PRKDC: variants seen among roughly 807,000 people sequenced by gnomAD.
PRKDC encodes protein kinase, DNA-activated, catalytic subunit, also known as DNA-dependent protein kinase catalytic subunit.
PRKDC carries 82 observed loss-of-function variants against 486.9 expected under a neutral mutation model. The observed-to-expected ratio is 0.17, with a 90% CI of 0.14 to 0.20. The LOEUF (loss-of-function observed/expected upper bound fraction) is 0.20. Among genes scored for constraint, PRKDC ranks in the 10% least tolerant of loss-of-function variants. The pLI, the probability that PRKDC is intolerant of heterozygous loss-of-function variation, is 1.00. For synonymous variants in PRKDC, 1,895 were observed against 1,837.0 expected, an observed-to-expected ratio of 1.03 and a Z score of -0.81; for missense variants, 4,504 against 5,038.2, an observed-to-expected ratio of 0.89 and a Z score of 3.21.
intron 68 of PRKDC, among the ~76,000 whole-genome samples, chr8:47,813,174 A>G (rs1006822802): frequency 6.6e-6 from 1 of 151,776 alleles, no homozygotes; most frequent in African/African-American, 2.4e-5. Flanking sequence ...CTGGAATGCA[A>G]TGGCACGATC....
chr8:47,841,189 G>A (rs897058617), intron 54 of PRKDC, among the ~76,000 whole-genome samples: 1 of 152,170 alleles, frequency 6.6e-6, no homozygotes, highest in Non-Finnish European at 1.5e-5. Flanking sequence ...AATTGGTAGG[G>A]AACTGTCAGA....
rs556057322 is a variant in PRKDC at position 47,891,676 on chromosome 8, C to T, written c.3848-1196G>A. 8.2e-4 allele frequency among the ~76,000 whole-genome samples: 125 copies of T among 151,902 alleles called. 1 individual carries two copies. The highest frequency in any genetic ancestry group is 2.5e-4 in the Non-Finnish European group (17 of 67,946). ...ATGAGCTTGCAGTGAGCCAAGATCG[C>T]GCCACTGCACTCCAGCCTGGGCGAC... On this transcript the variant is annotated intron_variant, in intron 31 of 85. Transcript: ENST00000314191.
Position 47,943,862 on chromosome 8 carries a change from C to G in PRKDC, c.799G>C (p.Val267Leu). The G allele has an allele frequency of 6.3e-7, 1 of 1,591,046 alleles. No homozygotes were observed. Among genetic ancestry groups the G allele is most frequent in the South Asian group, 1.1e-5 (1 of 87,860 alleles). ...ATAAACAGAATCCTACCTGAGGGCACAGCATATCTCTTCAGATCAATCTAT... is the reference window on the plus strand; with the variant it reads ...ATAAACAGAATCCTACCTGAGGGCAGAGCATATCTCTTCAGATCAATCTAT... ...RPQIDLKRYA[V>L]PSAGLRLFAL... Residue 267 changes from valine (V) to leucine (L), a missense_variant, in exon 9 of 86, where the codon GTG (valine) becomes CTG (leucine). Val to Leu is a conservative substitution (Grantham distance 32). Coordinates refer to ENST00000314191, the MANE Select transcript of PRKDC (RefSeq NM_006904.7).
At chr8:47,868,295 C>T (rs538135854) in intron 40 of PRKDC, among the ~76,000 whole-genome samples, 26 of 151,876 alleles carry the variant, frequency 1.7e-4, no homozygotes, top group African/African-American at 6.0e-4. Flanking sequence ...TGGCGGCTCA[C>T]ACTTGTAATC....
At chr8:47,880,816 G>C (rs1047720845) in intron 38 of PRKDC, among the ~76,000 whole-genome samples, 1 of 152,090 alleles carries the variant, frequency 6.6e-6, no homozygotes, top group Admixed American at 6.5e-5. Context: ...CACTTTGGGA[G>C]GCCGAGGCAG....
At position 47,858,817 on chromosome 8, in the gene PRKDC, G is replaced by A. The variant is rs187081369; in HGVS notation, c.6345+32C>T. 69 of 1,604,600 alleles carry A rather than the reference G, an allele frequency of 4.3e-5. No homozygotes were observed. The African/African-American group carries it at 6.2e-4, about 14-fold the overall frequency. ...TCTCAGTATGACACCAATGAATATA[G>A]TATTAACAGGTAAGATGAGTGGGAA... On this transcript the variant is annotated intron_variant, in intron 47 of 85. Transcript: ENST00000314191.
At position 47,881,653 on chromosome 8, in the gene PRKDC, T is replaced by A. The variant is rs1589762724; in HGVS notation, c.4963-133A>T. Reference sequence around the variant, plus strand: ...TTGGGCTTCAATAATATTTTCACAATCTTATTGTAAAACATTGTAATACTA... The same window carrying A: ...TTGGGCTTCAATAATATTTTCACAAACTTATTGTAAAACATTGTAATACTA... On this transcript the variant is annotated intron_variant, in intron 37 of 85. Coordinates refer to ENST00000314191, the MANE Select transcript of PRKDC (RefSeq NM_006904.7). The A allele has an allele frequency of 4.7e-6, 3 of 636,802 alleles. No individual in the cohort carries two copies. The African/African-American group carries it at 5.6e-5, about 12-fold the overall frequency. The allele number at this position is 636,802 out of a possible 1,614,324, so 39.4% of individuals were successfully genotyped here.
At position 47,959,975 on chromosome 8, in the gene PRKDC, A is replaced by T. The variant is rs1468283360; in HGVS notation, c.152T>A (p.Leu51Gln). ...ECVLSSSPAV[L>Q]ALQTSLVFSR... ...GCCCAGCTCGGGCCGGTACCCACCC[A>T]GCACCGCGGGGCTGCTGCTCAGGAC... The change falls in exon 1 of 86, where the codon CTG becomes CAG. Residue 51 changes from leucine (L) to glutamine (Q), a missense_variant and splice_region_variant. Transcript: ENST00000314191. 4.6e-6 allele frequency: 7 copies of T among 1,518,784 alleles called. No homozygotes were observed. Among genetic ancestry groups the T allele is most frequent in the Non-Finnish European group, 5.3e-6 (6 of 1,137,518 alleles). 94.1% of individuals were successfully genotyped at this position (1,518,784 alleles called of 1,614,324 possible).
chr8:47,848,384 A>C (rs1204026956), intron 54 of PRKDC, among the ~76,000 whole-genome samples: 2 of 152,236 alleles, frequency 1.3e-5, no homozygotes, highest in African/African-American at 4.8e-5. Flanking sequence ...GTACAGAAAC[A>C]GAAAAGCAAA....
At chr8:47,936,078 C>CA (rs1253638660) in intron 12 of PRKDC, among the ~76,000 whole-genome samples, 178 bp from the exon 13 acceptor site, 2 of 151,996 alleles carry the variant, frequency 1.3e-5, no homozygotes. Flanking sequence ...AAAAAACACA[C>CA]ACTCAGAGTA....
At position 47,953,033 on chromosome 8, in the gene PRKDC, C is replaced by T. The variant is rs182162389; in HGVS notation, c.721+587G>A. Reference sequence around the variant, plus strand: ...GCGAGTGCCTGTAATCCCAGGTACTCGGGAGGCTGAGGCAGGAGAATCACT... The same window carrying T: ...GCGAGTGCCTGTAATCCCAGGTACTTGGGAGGCTGAGGCAGGAGAATCACT... On this transcript the variant is annotated intron_variant, in intron 7 of 85. Transcript: ENST00000314191. 1.2e-3 allele frequency among the ~76,000 whole-genome samples: 180 copies of T among 152,052 alleles called. 1 individual carries two copies. Among genetic ancestry groups the T allele is most frequent in the African/African-American group, 4.1e-3 (170 of 41,448 alleles).
chr8:47,935,277 G>A (rs1452077843), intron 13 of PRKDC, among the ~76,000 whole-genome samples: 1 of 152,100 alleles, frequency 6.6e-6, no homozygotes, highest in Non-Finnish European at 1.5e-5. Flanking sequence ...TGAGGCAGGT[G>A]GATCAAAAGG....
In PRKDC at chr8:47,862,100, C is replaced by A; in HGVS notation, c.5947G>T (p.Asp1983Tyr). 4.5e-6 allele frequency: 7 copies of A among 1,550,598 alleles called. No homozygotes were observed. The highest frequency in any genetic ancestry group is 1.2e-5 in the South Asian group (1 of 83,174). ...GGAAAATTATAGCGGCGCTTCAGGTCGATCAGATTTTCAAAAATAAGCAAG... is the reference window on the plus strand; with the variant it reads ...GGAAAATTATAGCGGCGCTTCAGGTAGATCAGATTTTCAAAAATAAGCAAG... ...KNLLIFENLI[D>Y]LKRRYNFPVE... Residue 1983 changes from aspartate (D) to tyrosine (Y), a missense_variant, in exon 44 of 86, where the codon GAC (aspartate) becomes TAC (tyrosine). Around this residue, in one of 6 missense-constraint regions of PRKDC, gnomAD observed 1,592 missense variants for 1,724.6 expected, o/e 0.92. Transcript: ENST00000314191.
At chr8:47,817,687 C>T (rs2087479235) in intron 67 of PRKDC, 126 bp from the exon 68 acceptor site, 1 of 586,198 alleles carries the variant, frequency 1.7e-6, no homozygotes, top group African/African-American at 1.9e-5. Context: ...CTTTCTTTTA[C>T]AAAAGGAACA....
chr8:47,826,955 C>T (rs1244855186), intron 62 of PRKDC, 94 bp from the exon 63 acceptor site: 96 of 1,228,832 alleles, frequency 7.8e-5, no homozygotes, highest in Non-Finnish European at 1.1e-4. Context: ...ATAAAAGGTA[C>T]CCATGTGGGT....
chr8:47,776,212 G>T (rs1019928972), intron 85 of PRKDC, among the ~76,000 whole-genome samples: 1 of 152,196 alleles, frequency 6.6e-6, no homozygotes, highest in African/African-American at 2.4e-5. Context: ...TGTGAAACAA[G>T]GACCTAACTT....
Position 47,835,620 on chromosome 8 carries a change from C to CAAAAAA in PRKDC, c.7951+712_7951+717dup, listed in dbSNP as rs71548446. Among the ~76,000 whole-genome samples the CAAAAAA allele has an allele frequency of 3.5e-3, 72 of 20,480 alleles. 3 individuals carry two copies. Among genetic ancestry groups the CAAAAAA allele is most frequent in the African/African-American group, 9.9e-3 (59 of 5,932 alleles). 13.4% of individuals were successfully genotyped at this position (20,480 alleles called of 152,430 possible). ...CTGGTGACAGAGCAGGACTCTGTCT[C>CAAAAAA]AAAAAAAAAAAAAAAAAAAAAAAAA... On this transcript the variant is annotated intron_variant, in intron 58 of 85. Coordinates refer to ENST00000314191, the MANE Select transcript of PRKDC (RefSeq NM_006904.7).
intron 64 of PRKDC, among the ~76,000 whole-genome samples, chr8:47,822,724 A>G (rs1359232179): frequency 1.3e-5 from 2 of 152,174 alleles, no homozygotes; most frequent in Non-Finnish European, 2.9e-5. Flanking sequence ...CGGAAGGCAG[A>G]GCTTGCAGTG....
chr8:47,817,766 G>A (rs1201232281), intron 67 of PRKDC, among the ~76,000 whole-genome samples: 1 of 152,184 alleles, frequency 6.6e-6, no homozygotes, highest in Admixed American at 6.5e-5. Flanking sequence ...AGAGAATAAA[G>A]ATGGAGAAAT....
Sources: allele counts gnomAD v4.1 joint callset (sites outside exome capture counted in the v4.1 genomes callset), GRCh38; gene constraint gnomAD v4.1.1; regional missense constraint gnomAD v4.1.1; transcripts MANE v1.5; gene names NCBI Gene and HGNC (gene_info 2026-07-23, HGNC 2026-07-21).